Variants in ANKRD17 observed in about 807,000 individuals in gnomAD.
ANKRD17 encodes the protein ankyrin repeat domain-containing protein 17.
A neutral mutation model predicts 229.7 loss-of-function variants in ANKRD17; 19 were observed. The observed-to-expected ratio is 0.08, with a 90% CI of 0.06 to 0.12. The LOEUF (loss-of-function observed/expected upper bound fraction) is 0.12, where lower values mean the gene tolerates loss of function less well. Among genes scored for constraint, ANKRD17 ranks in the 10% least tolerant of loss-of-function variants. ANKRD17 has a pLI of 1.00. For missense variants in ANKRD17, 2,176 were observed against 3,176.8 expected (o/e 0.68, Z 7.57); for synonymous variants, 1,112 against 1,146.1 (o/e 0.97, Z 0.60).
intron 1 of ANKRD17, among the ~76,000 whole-genome samples, chr4:73,205,853 T>G (rs1739368093): frequency 6.6e-6 from 1 of 152,062 alleles, no homozygotes. Flanking sequence ...TGATTAGGGG[T>G]TAATGCCAAA....
At chr4:73,135,538 T>G (rs1178700054) in intron 15 of ANKRD17, among the ~76,000 whole-genome samples, 1 of 152,054 alleles carries the variant, frequency 6.6e-6, no homozygotes, top group Non-Finnish European at 1.5e-5. Flanking sequence ...AAAATAACCC[T>G]GAAAACAAAA....
chr4:73,210,649 AT>A (rs760545614), intron 1 of ANKRD17, among the ~76,000 whole-genome samples: 1 of 152,166 alleles, frequency 6.6e-6, no homozygotes, highest in Non-Finnish European at 1.5e-5. Context: ...ACCAAATTGC[AT>A]TTTATTAGCA....
At chr4:73,250,772 T>TCTCTGCTCACTGCAAC (rs1744948954) in intron 1 of ANKRD17, among the ~76,000 whole-genome samples, 1 of 151,260 alleles carries the variant, frequency 6.6e-6, no homozygotes, top group Non-Finnish European at 1.5e-5. Context: ...AAGGGCGCGA[T>TCTCTGCTCACTGCAAC]CTCTGCTCAC....
At chr4:73,113,947 C>G (rs368801101) in intron 23 of ANKRD17, 39 bp from the exon 24 acceptor site, 13 of 1,430,136 alleles carry the variant, frequency 9.1e-6, no homozygotes, top group Non-Finnish European at 1.1e-5. Flanking sequence ...GCTCACAGAA[C>G]AATTCTCACT....
At chr4:73,157,323 TTACTTA>T (rs1429029040) in intron 3 of ANKRD17, among the ~76,000 whole-genome samples, 1 of 152,074 alleles carries the variant, frequency 6.6e-6, no homozygotes, top group Non-Finnish European at 1.5e-5. Context: ...TTGAAAGTAT[TTACTTA>T]TACAATCAAA....
At position 73,141,786 on chromosome 4, in the gene ANKRD17, T is replaced by C. The variant is rs746872233; in HGVS notation, c.2287A>G (p.Lys763Glu). 1 of 1,614,032 alleles carries C rather than the reference T, an allele frequency of 6.2e-7. No individual in the cohort carries two copies. The highest frequency in any genetic ancestry group is 1.7e-5 in the Admixed American group (1 of 60,002). The change falls in exon 14 of 34, where the codon AAA becomes GAA. Residue 763 changes from lysine (K) to glutamate (E), a missense_variant. Around this residue, in one of 18 missense-constraint regions of ANKRD17, gnomAD observed 275 missense variants for 386.9 expected, o/e 0.71. Coordinates refer to ENST00000358602, the MANE Select transcript of ANKRD17 (RefSeq NM_032217.5). ...PMVVPPQEPD[K>E]PPANVATTLP... The stretch of plus-strand genomic sequence containing the variant: ...GTGGTGGCAACATTGGCAGGTGGTT[T>C]GTCAGGCTCCTGAGGTGGAACAACC...
At chr4:73,125,732 CAAA>C (rs56986647) in intron 16 of ANKRD17, among the ~76,000 whole-genome samples, 2 of 68,122 alleles carry the variant, frequency 2.9e-5, no homozygotes, top group Admixed American at 1.5e-4. Flanking sequence ...GACTCCGTCT[CAAA>C]AAAAAAAAAA....
intron 1 of ANKRD17, among the ~76,000 whole-genome samples, chr4:73,222,357 C>T (rs1741969034): frequency 6.6e-6 from 1 of 152,046 alleles, no homozygotes; most frequent in Admixed American, 6.6e-5. Flanking sequence ...TTAAAATGTT[C>T]ATGATTCAAA....
At chr4:73,130,250 AAAAT>A (rs1326190584) in intron 16 of ANKRD17, among the ~76,000 whole-genome samples, 1 of 152,200 alleles carries the variant, frequency 6.6e-6, no homozygotes, top group Non-Finnish European at 1.5e-5. Context: ...AATAATCAGT[AAAAT>A]AAATAACCTA....
chr4:73,135,011 C>T (rs1728711741), intron 16 of ANKRD17, 106 bp downstream of exon 16: 1 of 1,145,628 alleles, frequency 8.7e-7, no homozygotes, highest in Non-Finnish European at 1.2e-6. Flanking sequence ...CAAGACTTTG[C>T]CTAGAGACAA....
chr4:73,144,984 A>C (rs905330395), intron 10 of ANKRD17, 152 bp from the exon 11 acceptor site: 3 of 543,174 alleles, frequency 5.5e-6, no homozygotes, highest in African/African-American at 1.9e-5. Flanking sequence ...TATACTTTTA[A>C]ATTTAAAAAA....
At chr4:73,151,385 C>T (rs1201485011) in intron 7 of ANKRD17, 45 bp downstream of exon 7, 1 of 1,567,054 alleles carries the variant, frequency 6.4e-7, no homozygotes, top group East Asian at 2.3e-5. Flanking sequence ...TCTGTCTCTC[C>T]CTGGTTAATA....
At chr4:73,123,094 A>G (rs1726971078) in intron 18 of ANKRD17, among the ~76,000 whole-genome samples, 1 of 152,164 alleles carries the variant, frequency 6.6e-6, no homozygotes, top group Non-Finnish European at 1.5e-5. Flanking sequence ...CTAATCTGTT[A>G]TATTTTAACA....
chr4:73,150,455 T>A (rs1730864461), intron 7 of ANKRD17, among the ~76,000 whole-genome samples: 1 of 152,162 alleles, frequency 6.6e-6, no homozygotes, highest in Non-Finnish European at 1.5e-5. Flanking sequence ...ATGCCCATTA[T>A]CTCATTTAAT....
At chr4:73,235,383 T>C (rs528977648) in intron 1 of ANKRD17, among the ~76,000 whole-genome samples, 87 of 152,330 alleles carry the variant, frequency 5.7e-4, no homozygotes, top group Non-Finnish European at 1.6e-4. Flanking sequence ...TATTCAAGTT[T>C]AGATCCATCT....
intron 1 of ANKRD17, among the ~76,000 whole-genome samples, chr4:73,181,173 T>A (rs1324219173): frequency 6.6e-6 from 1 of 152,178 alleles, no homozygotes; most frequent in Non-Finnish European, 1.5e-5. Context: ...AGATACAGAA[T>A]CTTACATTAG....
chr4:73,159,245 A>C (rs1280781133), intron 3 of ANKRD17, among the ~76,000 whole-genome samples: 1 of 152,170 alleles, frequency 6.6e-6, no homozygotes, highest in African/African-American at 2.4e-5. Context: ...TTTAGAACAA[A>C]TCCTTCCCAT....
rs1730419885 is a variant in ANKRD17 at position 73,147,324 on chromosome 4, T to G, written c.1676A>C (p.Asp559Ala). The G allele has an allele frequency of 3.1e-6, 5 of 1,610,222 alleles. No homozygotes were observed. The highest frequency in any genetic ancestry group is 1.3e-5 in the African/African-American group (1 of 74,752). ...VADFLIKAGA[D>A]IELGCSTPLM... ...AGGGGTAGAACACCCTAGTTCTATA[T>G]CGGCTCCTGCCTTAATTAGAAAGTC... Residue 559 changes from aspartate to alanine, a missense_variant, in exon 9 of 34, where the codon GAT becomes GCT. Asp to Ala is a moderately radical substitution (Grantham distance 126). Around this residue, in one of 18 missense-constraint regions of ANKRD17, gnomAD observed 275 missense variants for 386.9 expected, o/e 0.71. Transcript: ENST00000358602.
At chr4:73,081,366 G>GAA (rs1456448909) in intron 30 of ANKRD17, among the ~76,000 whole-genome samples, 3 of 152,222 alleles carry the variant, frequency 2.0e-5, no homozygotes, top group Middle Eastern at 3.2e-3. Flanking sequence ...CTAAGAGAGA[G>GAA]AGAGAGAGAG....
Sources: gnomAD v4.1 joint callset for allele counts (sites outside exome capture counted in the v4.1 genomes callset) on GRCh38, gnomAD v4.1.1 for gene constraint, gnomAD v4.1.1 regional missense constraint, MANE v1.5 for transcripts, NCBI Gene and HGNC (gene_info 2026-07-23, HGNC 2026-07-21) for gene names.